RSRC1: variants seen among roughly 807,000 people sequenced by gnomAD.
RSRC1 encodes the protein arginine and serine rich coiled-coil 1.
Under a neutral mutation model 49.1 loss-of-function variants are expected in RSRC1, and 39 were observed. The ratio of observed to expected loss-of-function variants is 0.79; its 90% CI spans 0.61 to 1.04. The LOEUF is 1.04. RSRC1 is among the 50% of genes least tolerant of loss of function. The pLI, the probability that RSRC1 is intolerant of heterozygous loss-of-function variation, is 0.00. For synonymous variants in RSRC1, 143 were observed against 130.8 expected (o/e 1.09, Z -0.63); for missense variants, 388 against 402.4 (o/e 0.96, Z 0.31).
At chr3:158,309,261 G>A (rs1578318800) in intron 5 of RSRC1, among the ~76,000 whole-genome samples, 1 of 151,640 alleles carries the variant, frequency 6.6e-6, no homozygotes, top group Admixed American at 6.6e-5. Flanking sequence ...TGTGTAAAAT[G>A]TTTCTGATTT....
intron 5 of RSRC1, among the ~76,000 whole-genome samples, chr3:158,334,112 CA>C (rs1488983989): frequency 6.6e-6 from 1 of 151,516 alleles, no homozygotes; most frequent in South Asian, 2.1e-4. Flanking sequence ...ATTATGGCAG[CA>C]AAAAAAGAAG....
intron 6 of RSRC1, among the ~76,000 whole-genome samples, chr3:158,417,495 G>A (rs1004114800): frequency 1.3e-5 from 2 of 151,936 alleles, no homozygotes; most frequent in African/African-American, 2.4e-5. Flanking sequence ...ATATAGTAAA[G>A]TAGGAAAAGC....
rs189840035 is a variant in RSRC1 at position 158,165,234 on chromosome 3, A to G, written c.321-37838A>G. 2.4e-4 allele frequency among the ~76,000 whole-genome samples: 37 copies of G among 152,312 alleles called. 2 individuals carry two copies. In the East Asian group the frequency reaches 3.1e-3, roughly 13 times the overall value. On this transcript the variant is annotated intron_variant, in intron 3 of 9. Coordinates refer to ENST00000611884, the MANE Select transcript of RSRC1 (RefSeq NM_001271838.2). Reference sequence around the variant, plus strand: ...ACTGAGCTTTTCCTGCAATTAATGGAGGATTAATTACTGGAGGTAATGAAG... The same window carrying G: ...ACTGAGCTTTTCCTGCAATTAATGGGGGATTAATTACTGGAGGTAATGAAG...
intron 6 of RSRC1, among the ~76,000 whole-genome samples, chr3:158,356,319 G>T (rs1731155988): frequency 6.6e-6 from 1 of 152,038 alleles, no homozygotes; most frequent in Admixed American, 6.5e-5. Flanking sequence ...AAATACATAT[G>T]TGCATATTGA....
intron 4 of RSRC1, among the ~76,000 whole-genome samples, chr3:158,209,663 G>A (rs963097975): frequency 2.0e-5 from 3 of 152,012 alleles, no homozygotes; most frequent in African/African-American, 7.2e-5. Context: ...TCTGAGAAAT[G>A]TACCCAACAA....
At chr3:158,241,934 T>C (rs975252647) in intron 4 of RSRC1, among the ~76,000 whole-genome samples, 1 of 152,036 alleles carries the variant, frequency 6.6e-6, no homozygotes, top group African/African-American at 2.4e-5. Flanking sequence ...TTTAGTGAAT[T>C]TTTATGGAAG....
At chr3:158,487,079 A>G (rs550714531) in intron 7 of RSRC1, among the ~76,000 whole-genome samples, 3 of 152,314 alleles carry the variant, frequency 2.0e-5, no homozygotes, top group South Asian at 2.1e-4. Flanking sequence ...AGTCAGCCCA[A>G]GAACCTGTGT....
chr3:158,372,767 A>G (rs1732151800), intron 6 of RSRC1, among the ~76,000 whole-genome samples: 2 of 151,924 alleles, frequency 1.3e-5, no homozygotes, highest in South Asian at 2.1e-4. Flanking sequence ...GAGTTGTATC[A>G]ACTTCGTAGA....
chr3:158,436,215 A>G (rs1010961712), intron 6 of RSRC1, among the ~76,000 whole-genome samples: 1 of 151,928 alleles, frequency 6.6e-6, no homozygotes, highest in South Asian at 2.1e-4. Flanking sequence ...GAAGAAAGAC[A>G]CTTGTTCAAT....
intron 4 of RSRC1, chr3:158,276,341 G>A: frequency 1.3e-6 from 1 of 770,084 alleles, no homozygotes; most frequent in East Asian, 2.5e-5. Flanking sequence ...GGTACTGCCA[G>A]CAGCAGACCC....
chr3:158,513,462 A>G (rs201252303), intron 7 of RSRC1, among the ~76,000 whole-genome samples: 30,420 of 152,080 alleles, frequency 0.2, 3,706 homozygotes, highest in African/African-American at 0.35. Context: ...TCCAGGGATG[A>G]AGCCCACTTG....
chr3:158,361,928 C>A (rs185358250), intron 6 of RSRC1, among the ~76,000 whole-genome samples: 99 of 152,260 alleles, frequency 6.5e-4, no homozygotes, highest in Admixed American at 1.4e-3. Context: ...TTCTTTTAGT[C>A]CTGTCTTTGC....
At chr3:158,319,673 C>G (rs867627811) in intron 5 of RSRC1, among the ~76,000 whole-genome samples, 9 of 152,106 alleles carry the variant, frequency 5.9e-5, no homozygotes, top group Admixed American at 2.0e-4. Flanking sequence ...ACAATTAGAT[C>G]TTATATTGTT....
chr3:158,193,389 A>T (rs917995664), intron 3 of RSRC1, among the ~76,000 whole-genome samples: 3 of 152,148 alleles, frequency 2.0e-5, no homozygotes, highest in Non-Finnish European at 2.9e-5. Flanking sequence ...AAAGGGGCAA[A>T]TGAGTAAGAA....
At chr3:158,291,769 C>G (rs1046647531) in intron 4 of RSRC1, among the ~76,000 whole-genome samples, 2 of 152,018 alleles carry the variant, frequency 1.3e-5, no homozygotes, top group Non-Finnish European at 2.9e-5. Context: ...ACTAAAAAAC[C>G]TGAATATTCA....
At chr3:158,181,698 A>G (rs750733273) in intron 3 of RSRC1, among the ~76,000 whole-genome samples, 2 of 152,240 alleles carry the variant, frequency 1.3e-5, no homozygotes, top group African/African-American at 2.4e-5. Flanking sequence ...GAAGAGGAGA[A>G]AATGACATTA....
At chr3:158,329,729 C>T (rs753513389) in intron 5 of RSRC1, among the ~76,000 whole-genome samples, 17 of 152,196 alleles carry the variant, frequency 1.1e-4, no homozygotes, top group South Asian at 2.1e-4. Flanking sequence ...TCTCAAACTC[C>T]GTGCTGAGAG....
At chr3:158,113,249 C>G (rs1714535374) in intron 1 of RSRC1, among the ~76,000 whole-genome samples, 2 of 152,160 alleles carry the variant, frequency 1.3e-5, no homozygotes, top group African/African-American at 2.4e-5. Context: ...ATCACCCGTT[C>G]TGGACAATGC....
chr3:158,181,449 T>C (rs1370771073), intron 3 of RSRC1, among the ~76,000 whole-genome samples: 2 of 152,210 alleles, frequency 1.3e-5, no homozygotes, highest in Non-Finnish European at 2.9e-5. Flanking sequence ...CTTCAAATTA[T>C]GACCCTTTGT....
Sources: gnomAD v4.1 joint callset for allele counts (sites outside exome capture counted in the v4.1 genomes callset) on GRCh38, gnomAD v4.1.1 for gene constraint, MANE v1.5 for transcripts, NCBI Gene and HGNC (gene_info 2026-07-23, HGNC 2026-07-21) for gene names.